Variants in SLC9A9 observed in about 807,000 individuals in gnomAD.
The protein encoded by SLC9A9 is solute carrier family 9 member A9, also known as sodium/hydrogen exchanger 9.
In SLC9A9, 62 loss-of-function variants were observed where a neutral mutation model predicts 77.8. The observed-to-expected ratio is 0.80, with a 90% confidence interval of 0.65 to 0.98. SLC9A9 has a LOEUF of 0.98. Ranked by LOEUF, SLC9A9 falls within the 50% of genes least tolerant of loss-of-function variation. The pLI is 0.00. For synonymous variants in SLC9A9, 320 were observed against 283.5 expected (o/e 1.13, Z -1.29); for missense variants, 775 against 774.9 (o/e 1.00, Z 0.00).
chr3:143,809,368 GC>G (rs2008804856), intron 2 of SLC9A9, among the ~76,000 whole-genome samples: 1 of 152,248 alleles, frequency 6.6e-6, no homozygotes, highest in Non-Finnish European at 1.5e-5. Flanking sequence ...ATGGCATGCA[GC>G]ATGCAAGGAT....
chr3:143,352,148 C>A (rs1040918155), intron 14 of SLC9A9, among the ~76,000 whole-genome samples: 1 of 152,140 alleles, frequency 6.6e-6, no homozygotes, highest in Admixed American at 6.5e-5. Flanking sequence ...GCATTCCAGG[C>A]ATAATTCTGT....
chr3:143,834,227 G>C (rs1489149924), intron 1 of SLC9A9, among the ~76,000 whole-genome samples: 1 of 152,184 alleles, frequency 6.6e-6, no homozygotes, highest in Non-Finnish European at 1.5e-5. Flanking sequence ...ATAAGTTATA[G>C]ATACGTAACC....
chr3:143,374,479 G>GTGATTTTC (rs2033135033), intron 13 of SLC9A9, among the ~76,000 whole-genome samples: 1 of 147,796 alleles, frequency 6.8e-6, no homozygotes, highest in Non-Finnish European at 1.5e-5. Context: ...ACAACAGAAT[G>GTGATTTTC]TGATTTTCAA....
chr3:143,764,652 G>T (rs1461055995), intron 4 of SLC9A9, among the ~76,000 whole-genome samples: 2 of 152,100 alleles, frequency 1.3e-5, no homozygotes, highest in South Asian at 2.1e-4. Context: ...TTGTAGCTTT[G>T]AACTCAAGTG....
intron 6 of SLC9A9, among the ~76,000 whole-genome samples, chr3:143,641,168 TCCACAATTGGAAACACCAAAG>T (rs2038615013): frequency 6.6e-6 from 1 of 151,922 alleles, no homozygotes; most frequent in African/African-American, 2.4e-5. Flanking sequence ...ACATGACATG[TCCACAATTGGAAACACCAAAG>T]CCACAAAGAA....
chr3:143,837,673 G>T (rs1047605043), intron 1 of SLC9A9, among the ~76,000 whole-genome samples: 3 of 152,176 alleles, frequency 2.0e-5, no homozygotes, highest in African/African-American at 7.2e-5. Flanking sequence ...CTCAGGGGAA[G>T]TTGAACTCAC....
chr3:143,287,525 G>C (rs780485782), intron 14 of SLC9A9, among the ~76,000 whole-genome samples: 6 of 152,140 alleles, frequency 3.9e-5, no homozygotes, highest in Non-Finnish European at 7.3e-5. Context: ...TACTGAAGCT[G>C]AAAGAACCTG....
intron 6 of SLC9A9, among the ~76,000 whole-genome samples, chr3:143,592,611 T>C (rs17582102): frequency 0.11 from 16,883 of 152,204 alleles, 1,059 homozygotes; most frequent in Non-Finnish European, 0.14. Context: ...GAGAGTTGTG[T>C]TTACATGGGA....
At chr3:143,305,825 G>A (rs969004415) in intron 14 of SLC9A9, among the ~76,000 whole-genome samples, 5 of 152,162 alleles carry the variant, frequency 3.3e-5, no homozygotes, top group African/African-American at 1.2e-4. Context: ...CTGGAAACAC[G>A]GCTTGAGTTA....
In SLC9A9 at chr3:143,363,372, T is replaced by C. The variant is rs1047547580; in HGVS notation, c.1604+112A>G. ...TTTATAAGTTTGGCTGTGAATTCACTTTACCTTTTGGTGTTTCTTGAAGAG... is the reference window on the plus strand; with the variant it reads ...TTTATAAGTTTGGCTGTGAATTCACCTTACCTTTTGGTGTTTCTTGAAGAG... On this transcript the variant is annotated intron_variant, in intron 14 of 15. Coordinates refer to ENST00000316549, the MANE Select transcript of SLC9A9 (RefSeq NM_173653.4). 52 of 983,018 alleles carry C rather than the reference T, an allele frequency of 5.3e-5. No individual in the cohort carries two copies. The Middle Eastern group carries it at 6.4e-4, about 12-fold the overall frequency. The allele number at this position is 983,018 out of a possible 1,614,324, so 60.9% of individuals were successfully genotyped here.
intron 14 of SLC9A9, among the ~76,000 whole-genome samples, chr3:143,335,302 T>A (rs557257548): frequency 1.4e-4 from 22 of 152,286 alleles, no homozygotes; most frequent in African/African-American, 5.1e-4. Context: ...AGACATTCCA[T>A]GTTTATGGCT....
At chr3:143,759,231 T>G (rs1042664755) in intron 4 of SLC9A9, among the ~76,000 whole-genome samples, 1 of 152,058 alleles carries the variant, frequency 6.6e-6, no homozygotes, top group South Asian at 2.1e-4. Context: ...AGAGCTACCA[T>G]GACATCCCCA....
intron 1 of SLC9A9, among the ~76,000 whole-genome samples, chr3:143,842,688 A>G (rs1191614660): frequency 6.6e-6 from 1 of 152,240 alleles, no homozygotes; most frequent in Non-Finnish European, 1.5e-5. Flanking sequence ...AGTCCTCACT[A>G]TTAACTTGTT....
intron 4 of SLC9A9, chr3:143,698,162 AT>A (rs1933695741): frequency 6.5e-6 from 1 of 153,666 alleles, no homozygotes; most frequent in Non-Finnish European, 1.5e-5. Flanking sequence ...TGGACGAGAG[AT>A]TCTGGTGAAG....
intron 6 of SLC9A9, among the ~76,000 whole-genome samples, chr3:143,608,134 T>C (rs972815487): frequency 7.2e-5 from 11 of 152,200 alleles, no homozygotes; most frequent in African/African-American, 1.7e-4. Context: ...TGGTGAAGAA[T>C]AGCAAAAGCA....
chr3:143,420,292 T>C (rs556524867), intron 12 of SLC9A9, among the ~76,000 whole-genome samples: 5 of 152,198 alleles, frequency 3.3e-5, no homozygotes, highest in South Asian at 2.1e-4. Context: ...GGATTAACAA[T>C]GAGTTTGTAA....
chr3:143,301,002 T>G (rs2030494174), intron 14 of SLC9A9, among the ~76,000 whole-genome samples: 1 of 152,198 alleles, frequency 6.6e-6, no homozygotes, highest in African/African-American at 2.4e-5. Context: ...TGTGGTCCAG[T>G]AGCTCAGAAA....
chr3:143,773,931 G>A (rs751240688), intron 4 of SLC9A9, among the ~76,000 whole-genome samples: 3 of 152,160 alleles, frequency 2.0e-5, no homozygotes, highest in Admixed American at 2.0e-4. Flanking sequence ...CTCAGTAGGG[G>A]TTTTACAAAT....
chr3:143,737,837 G>A (rs547427097), intron 4 of SLC9A9, among the ~76,000 whole-genome samples: 14 of 152,222 alleles, frequency 9.2e-5, no homozygotes, highest in Non-Finnish European at 2.1e-4. Flanking sequence ...ACCCCGGCCC[G>A]AGATTTTACC....
Sources: gnomAD v4.1 joint callset for allele counts (sites outside exome capture counted in the v4.1 genomes callset) on GRCh38, gnomAD v4.1.1 for gene constraint, MANE v1.5 for transcripts, NCBI Gene and HGNC (gene_info 2026-07-23, HGNC 2026-07-21) for gene names.